Variants in ELFN1 observed in about 807,000 individuals in gnomAD.
ELFN1 encodes extracellular leucine rich repeat and fibronectin type III domain containing 1.
In ELFN1, 6 loss-of-function variants were observed where a neutral mutation model predicts 7.6. The ratio of observed to expected loss-of-function variants is 0.79; its 90% CI spans 0.43 to 1.56. The LOEUF (loss-of-function observed/expected upper bound fraction) is 1.56, where lower values mean the gene tolerates loss of function less well. Ranked by LOEUF, ELFN1 falls within the 40% of genes most tolerant of loss-of-function variation. The pLI is 0.01. For synonymous variants in ELFN1, 657 were observed against 588.1 expected, an observed-to-expected ratio of 1.12 and a Z score of -1.70; for missense variants, 1,169 against 1,232.2, an observed-to-expected ratio of 0.95 and a Z score of 0.77.
rs1236584376 is a variant in ELFN1, at chr7:1,745,962, G to A, written c.1366G>A (p.Ala456Thr). Residue 456 changes from alanine (A) to threonine (T), a missense_variant, in exon 4 of 4, where the codon GCA becomes ACA. By Grantham distance (58) the Ala-to-Thr change is moderately conservative. Transcript: ENST00000424383. ...GGAGAAGCACAAGAAGGCCGCCTCG[G>A]CAGCCGCAGCTGGCAGCCTCAAGAA... ...QEEKHKKAAS[A>T]AAAGSLKKTI... 2 of 1,546,790 alleles carry A rather than the reference G, an allele frequency of 1.3e-6. No homozygotes were observed. The highest frequency in any genetic ancestry group is 2.7e-5 in the African/African-American group (2 of 73,026).
At chr7:1,666,312 G>T (rs1177678213), upstream of ELFN1, among the ~76,000 whole-genome samples, 2 of 151,800 alleles carry the variant, frequency 1.3e-5, no homozygotes, top group Non-Finnish European at 2.9e-5. This position sits in a 1 kb window ranked among gnomAD's most constrained non-coding sequence, Gnocchi z 7.9. Context: ...GCAGCGCAGG[G>T]TCCCCAGCGG....
intron 2 of ELFN1, among the ~76,000 whole-genome samples, chr7:1,700,555 G>A (rs1434373161): frequency 3.3e-5 from 5 of 152,214 alleles, no homozygotes; most frequent in Admixed American, 6.5e-5. Context: ...TCACTGAAGC[G>A]TGTGCTGTCC....
intron 3 of ELFN1, among the ~76,000 whole-genome samples, chr7:1,733,304 T>G (rs1583389092): frequency 6.6e-6 from 1 of 150,858 alleles, no homozygotes; most frequent in South Asian, 2.1e-4. Flanking sequence ...CCTTGGGGAG[T>G]GGAAATGGTG....
chr7:1,671,173 C>T (rs1464696440), intron 1 of ELFN1, among the ~76,000 whole-genome samples: 4 of 150,982 alleles, frequency 2.6e-5, no homozygotes, highest in African/African-American at 9.7e-5. Context: ...GCACACCGCC[C>T]CCCCCCCCAT....
intron 1 of ELFN1, among the ~76,000 whole-genome samples, chr7:1,682,036 C>T (rs183424047): frequency 9.3e-4 from 142 of 152,256 alleles, no homozygotes; most frequent in Middle Eastern, 6.8e-3. Context: ...AATTTCTGAT[C>T]TCTTATCCCA....
intron 2 of ELFN1, among the ~76,000 whole-genome samples, chr7:1,701,186 G>A (rs533212873): frequency 4.4e-4 from 67 of 152,066 alleles, no homozygotes; most frequent in African/African-American, 1.5e-3. Flanking sequence ...GTATGTGTGC[G>A]TGTGTGTGCA....
chr7:1,726,987 A>T (rs527507661), intron 3 of ELFN1, among the ~76,000 whole-genome samples: 1 of 152,114 alleles, frequency 6.6e-6, no homozygotes, highest in Non-Finnish European at 1.5e-5. Flanking sequence ...CTACTTACTC[A>T]GGGGCACACA....
At chr7:1,693,030 T>C (rs922657416) in intron 2 of ELFN1, 12 of 280,514 alleles carry the variant, frequency 4.3e-5, no homozygotes, top group Non-Finnish European at 7.9e-5. Context: ...GTCTGTAAAA[T>C]GGGCGCAGGT....
intron 2 of ELFN1, among the ~76,000 whole-genome samples, chr7:1,708,822 C>T (rs956047815): frequency 1.3e-5 from 2 of 152,200 alleles, no homozygotes; most frequent in African/African-American, 4.8e-5. Flanking sequence ...GCAACTCCCT[C>T]GGTCTGCAGT....
At chr7:1,738,180 G>A (rs550556361) in intron 3 of ELFN1, among the ~76,000 whole-genome samples, 107 of 152,296 alleles carry the variant, frequency 7.0e-4, no homozygotes, top group Non-Finnish European at 1.2e-3. Context: ...CGGAGGGCGC[G>A]TGGTCCCATG....
intron 3 of ELFN1, among the ~76,000 whole-genome samples, chr7:1,734,640 C>T (rs2128600111): frequency 6.6e-6 from 1 of 152,282 alleles, no homozygotes; most frequent in East Asian, 1.9e-4. Context: ...GCCCTGGGCT[C>T]CCACTCCGGG....
rs971984304 is a variant in ELFN1, at chr7:1,746,825, G to A, written c.2229G>A (p.Pro743=). The A allele has an allele frequency of 6.5e-5, 99 of 1,534,872 alleles. No individual in the cohort carries two copies. The highest frequency in any genetic ancestry group is 4.0e-4 in the Admixed American group (20 of 49,488). ...KASILEPLTR[P]RPRDLAYSQL... is the part of the protein sequence containing the mutation. ...CCATCCTGGAGCCACTCACCCGGCCGCGGCCCCGCGACCTCGCCTACTCGC... is the reference window on the plus strand; with the variant it reads ...CCATCCTGGAGCCACTCACCCGGCCACGGCCCCGCGACCTCGCCTACTCGC... The change falls in exon 4 of 4, where the codon CCG becomes CCA. Residue 743 remains proline (P), a synonymous_variant. Transcript: ENST00000424383.
chr7:1,739,528 A>C lies in ELFN1; in HGVS notation c.-293-4776A>C, dbSNP rs1169514011. 6.6e-6 allele frequency: 1 copy of C among 152,530 alleles called. No individual in the cohort carries two copies. The highest frequency in any genetic ancestry group is 1.5e-5 in the Non-Finnish European group (1 of 68,282). 9.4% of individuals were successfully genotyped at this position (152,530 alleles called of 1,614,324 possible). On this transcript the variant is annotated intron_variant, in intron 3 of 3. Transcript: ENST00000424383. The surrounding 1 kb of genome is among the most constrained non-coding windows in gnomAD (Gnocchi z 4.6). ...CAGCCGAGGGCCTCAAGATAGACCG[A>C]GGGTCAGCTGCACAGAGACAAGAGC...
At chr7:1,697,887 T>A (rs1779351769) in intron 2 of ELFN1, among the ~76,000 whole-genome samples, 1 of 152,146 alleles carries the variant, frequency 6.6e-6, no homozygotes, top group Non-Finnish European at 1.5e-5. Flanking sequence ...TGACTTCAAG[T>A]GATCCTCCCG....
rs898258074 is a variant in ELFN1 at position 1,739,916 on chromosome 7, G to A, written c.-293-4388G>A. 2.6e-5 allele frequency among the ~76,000 whole-genome samples: 4 copies of A among 152,216 alleles called. No individual in the cohort carries two copies. Among genetic ancestry groups the A allele is most frequent in the Non-Finnish European group, 5.9e-5 (4 of 68,038 alleles). ...TTCCAAGAAAACCTGCTGCAATGAG[G>A]CAGAGGCTGGAAGTTACACAGGTCA... On this transcript the variant is annotated intron_variant, in intron 3 of 3. Coordinates refer to ENST00000424383, the MANE Select transcript of ELFN1 (RefSeq NM_001128636.4). The surrounding 1 kb of genome is among the most constrained non-coding windows in gnomAD (Gnocchi z 4.6).
At position 1,745,657 on chromosome 7, in the gene ELFN1, C is replaced by T; in HGVS notation, c.1061C>T (p.Ser354Phe). The T allele has an allele frequency of 1.3e-6, 2 of 1,551,352 alleles. No homozygotes were observed. The highest frequency in any genetic ancestry group is 1.7e-6 in the Non-Finnish European group (2 of 1,147,010). Residue 354 changes from serine to phenylalanine, a missense_variant, in exon 4 of 4, where the codon TCC becomes TTC. By Grantham distance (155) the Ser-to-Phe change is radical. Transcript: ENST00000424383. Reference protein sequence around the residue: ...TLEHFNNSKASTVSRLTKAQE... With the variant: ...TLEHFNNSKAFTVSRLTKAQE... Reference sequence around the variant, plus strand: ...GAGCATTTCAACAACAGCAAGGCCTCCACCGTGTCCAGGCTGACCAAGGCC... The same window carrying T: ...GAGCATTTCAACAACAGCAAGGCCTTCACCGTGTCCAGGCTGACCAAGGCC...
At chr7:1,690,053 G>A (rs1334019126) in intron 2 of ELFN1, among the ~76,000 whole-genome samples, 1 of 152,222 alleles carries the variant, frequency 6.6e-6, no homozygotes, top group Admixed American at 6.5e-5. Context: ...AGATGGAGGG[G>A]TGGATGAATG....
At chr7:1,702,174 C>T (rs757899434) in intron 2 of ELFN1, among the ~76,000 whole-genome samples, 15 of 152,126 alleles carry the variant, frequency 9.9e-5, no homozygotes, top group Admixed American at 3.3e-4. Flanking sequence ...CTTGTAATCC[C>T]AGCACTTTGG....
At chr7:1,706,956 A>G (rs987528570) in intron 2 of ELFN1, among the ~76,000 whole-genome samples, 3 of 152,244 alleles carry the variant, frequency 2.0e-5, no homozygotes, top group South Asian at 4.1e-4. Context: ...TTGAGTGTGC[A>G]TGCCTCTGTG....
Sources: gnomAD v4.1 joint callset for allele counts (sites outside exome capture counted in the v4.1 genomes callset) on GRCh38, gnomAD v4.1.1 for gene constraint, Gnocchi (gnomAD v3.1) non-coding constraint, MANE v1.5 for transcripts, NCBI Gene and HGNC (gene_info 2026-07-23, HGNC 2026-07-21) for gene names.